The following CALB1 variants were observed in gnomAD, a reference collection of about 807,000 sequenced individuals.
CALB1 encodes the protein calbindin.
In CALB1, 16 loss-of-function variants were observed where a neutral mutation model predicts 46.7. That is an observed-to-expected ratio of 0.34 (90% CI 0.23 to 0.52). CALB1 has a LOEUF of 0.52. CALB1 is among the 20% of genes least tolerant of loss of function. The probability of loss-of-function intolerance (pLI) is 0.95; values close to 1 mark genes in which losing one functional copy is unlikely to be tolerated. For synonymous variants in CALB1, 90 were observed against 112.8 expected (o/e 0.80, Z 1.28); for missense variants, 224 against 300.3 (o/e 0.75, Z 1.88).
intron 3 of CALB1, among the ~76,000 whole-genome samples, chr8:90,071,248 CA>C (rs1814510175): frequency 6.6e-6 from 1 of 152,174 alleles, no homozygotes. Context: ...TGTTTCTACT[CA>C]TTGAAATCTA....
intron 3 of CALB1, among the ~76,000 whole-genome samples, chr8:90,076,236 G>C (rs1419676477): frequency 6.6e-6 from 1 of 152,010 alleles, no homozygotes; most frequent in Non-Finnish European, 1.5e-5. Flanking sequence ...GATAAACTTA[G>C]AAACTTGCCA....
At chr8:90,076,107 T>C (rs1397228642) in intron 3 of CALB1, among the ~76,000 whole-genome samples, 1 of 152,090 alleles carries the variant, frequency 6.6e-6, no homozygotes, top group Admixed American at 6.6e-5. Context: ...TGTATCTCAT[T>C]TGTCTCCCTT....
In CALB1 at chr8:90,066,062, A is replaced by G; in HGVS notation, c.373-87T>C. ...AGAATGCCTTGGAACAGGACATACC[A>G]GGAATGCAAAGAAAGTCTCCTTTTG... On this transcript the variant is annotated intron_variant, in intron 5 of 10. Coordinates refer to ENST00000265431, the MANE Select transcript of CALB1 (RefSeq NM_004929.4). 2 of 841,320 alleles carry G rather than the reference A, an allele frequency of 2.4e-6. 1 individual carries two copies. The highest frequency in any genetic ancestry group is 2.9e-5 in the South Asian group (2 of 68,504). The allele number at this position is 841,320 out of a possible 1,614,324, so 52.1% of individuals were successfully genotyped here. A position where few individuals can be genotyped will look rare whatever the true frequency, so the allele number is the denominator to read the frequency against.
At position 90,082,763 on chromosome 8, in the gene CALB1, G is replaced by A; in HGVS notation, c.-66C>T. On this transcript the variant is annotated 5_prime_UTR_variant, in exon 1 of 11. Coordinates refer to ENST00000265431, the MANE Select transcript of CALB1 (RefSeq NM_004929.4). ...TGTCTGTGTCCGCGCGAGGGGGAGT[G>A]AGCAAAAGCTCAGCGTGTGCGCGAG... 1.4e-6 allele frequency: 2 copies of A among 1,447,160 alleles called. No homozygotes were observed. Among genetic ancestry groups the A allele is most frequent in the Non-Finnish European group, 1.9e-6 (2 of 1,028,496 alleles). The allele number at this position is 1,447,160 out of a possible 1,614,324, so 89.6% of individuals were successfully genotyped here.
At chr8:90,062,902 G>T in intron 9 of CALB1, 198 bp downstream of exon 9, 1 of 485,698 alleles carries the variant, frequency 2.1e-6, no homozygotes. Context: ...GCCAGGGCTG[G>T]GGGAAGGAGA....
At chr8:90,075,496 C>CA (rs1814607626) in intron 3 of CALB1, among the ~76,000 whole-genome samples, 2 of 152,038 alleles carry the variant, frequency 1.3e-5, no homozygotes, top group African/African-American at 4.8e-5. Context: ...TTTTGCATTC[C>CA]TTTATAGCTG....
At chr8:90,065,660 A>G (rs1053505554) in intron 6 of CALB1, among the ~76,000 whole-genome samples, 12 of 151,890 alleles carry the variant, frequency 7.9e-5, no homozygotes, top group African/African-American at 2.9e-4. Context: ...AAAATTACAC[A>G]GCTCTACAAG....
intron 5 of CALB1, among the ~76,000 whole-genome samples, chr8:90,068,183 A>G (rs1182027244): frequency 6.6e-6 from 1 of 152,174 alleles, no homozygotes; most frequent in African/African-American, 2.4e-5. Context: ...TCATGTGCAG[A>G]ATCTTACTGG....
rs542704485 is a variant in CALB1, at chr8:90,082,171, A to G, written c.80-69T>C. Reference sequence around the variant, plus strand: ...AAGTGTCTTTCCCGTTCACTTTCCAAGACAGTTATCTTTCTGGCGACCCGA... The same window carrying G: ...AAGTGTCTTTCCCGTTCACTTTCCAGGACAGTTATCTTTCTGGCGACCCGA... On this transcript the variant is annotated intron_variant, in intron 1 of 10. Transcript: ENST00000265431. 5.8e-6 allele frequency: 8 copies of G among 1,384,220 alleles called. No homozygotes were observed. The South Asian group carries it at 8.3e-5, about 14-fold the overall frequency. 85.7% of individuals were successfully genotyped at this position (1,384,220 alleles called of 1,614,324 possible).
At chr8:90,063,215 T>C in intron 8 of CALB1, 62 bp from the exon 9 acceptor site, 8 of 1,532,800 alleles carry the variant, frequency 5.2e-6, no homozygotes, top group Admixed American at 1.7e-5. Flanking sequence ...ATGTTTCCCT[T>C]GACAAGTCTC....
intron 3 of CALB1, among the ~76,000 whole-genome samples, chr8:90,072,185 CAAAT>C (rs35332397): frequency 0.037 from 5,575 of 151,846 alleles, 164 homozygotes; most frequent in East Asian, 0.1. Context: ...CAGAAAAAAA[CAAAT>C]GAATGAACTA....
chr8:90,081,711 A>T (rs542101655), intron 2 of CALB1, among the ~76,000 whole-genome samples: 46 of 152,072 alleles, frequency 3.0e-4, no homozygotes, highest in Non-Finnish European at 5.4e-4. Flanking sequence ...TTAAAGCTCC[A>T]GTTTCAGATA....
rs748626591 is a variant in CALB1, at chr8:90,063,446, A to C, written c.466T>G (p.Ser156Ala). 3.7e-6 allele frequency: 6 copies of C among 1,610,746 alleles called. No individual in the cohort carries two copies. The highest frequency in any genetic ancestry group is 3.3e-5 in the Admixed American group (2 of 59,800). Reference protein sequence around the residue: ...YTDLMLKLFDSNNDGKLELTE... With the variant: ...YTDLMLKLFDANNDGKLELTE... ...AATTCCAGCTTCCCATCATTATTTG[A>C]ATCAAATAGTTTCAGCTGAAAGACA... Residue 156 changes from serine to alanine, a missense_variant, in exon 7 of 11, where the codon TCA (serine) becomes GCA (alanine). Transcript: ENST00000265431.
chr8:90,060,853 C>T, intron 9 of CALB1, 153 bp from the exon 10 acceptor site: 1 of 661,122 alleles, frequency 1.5e-6, no homozygotes, highest in South Asian at 1.8e-5. Context: ...TTTTTAGCTG[C>T]TCCAAAGCTG....
intron 3 of CALB1, among the ~76,000 whole-genome samples, chr8:90,074,245 T>G (rs937987513): frequency 5.9e-5 from 9 of 152,182 alleles, no homozygotes; most frequent in Non-Finnish European, 1.0e-4. Context: ...GCAAATACAT[T>G]TGTTGAGTTT....
At chr8:90,069,863 G>C (rs149233948) in intron 3 of CALB1, among the ~76,000 whole-genome samples, 1 of 152,242 alleles carries the variant, frequency 6.6e-6, no homozygotes, top group Non-Finnish European at 1.5e-5. Context: ...GCTTTCTGCT[G>C]AAAGGACATC....
intron 3 of CALB1, among the ~76,000 whole-genome samples, chr8:90,071,882 T>G (rs940456117): frequency 3.3e-5 from 5 of 152,224 alleles, no homozygotes; most frequent in Non-Finnish European, 7.3e-5. Flanking sequence ...TTGCGTGACC[T>G]TCCTCTAGAC....
chr8:90,066,772 G>A (rs768773139), intron 5 of CALB1, among the ~76,000 whole-genome samples: 20 of 152,034 alleles, frequency 1.3e-4, no homozygotes, highest in Non-Finnish European at 2.5e-4. Flanking sequence ...GACAGTGTAA[G>A]CACTTTATAA....
Position 90,063,160 on chromosome 8 carries a change from A to T in CALB1, c.547-7T>A. On this transcript the variant is annotated splice_polypyrimidine_tract_variant and splice_region_variant and intron_variant, in intron 8 of 10. Transcript: ENST00000265431. ...TCCCACACATTTTGATTCCCTAAAG[A>T]TAGAGAAGAGAGTAAATGTTAAAAT... 6.3e-7 allele frequency: 1 copy of T among 1,598,728 alleles called. No individual in the cohort carries two copies. The highest frequency in any genetic ancestry group is 8.6e-7 in the Non-Finnish European group (1 of 1,166,864).
Sources: gnomAD v4.1 joint callset for allele counts (sites outside exome capture counted in the v4.1 genomes callset) on GRCh38, gnomAD v4.1.1 for gene constraint, MANE v1.5 for transcripts, NCBI Gene and HGNC (gene_info 2026-07-23, HGNC 2026-07-21) for gene names.